The following PRIM2 variants were observed in gnomAD, a reference collection of about 807,000 sequenced individuals.
The protein encoded by PRIM2 is DNA primase subunit 2, also known as DNA primase large subunit.
A neutral mutation model predicts 67.3 loss-of-function variants in PRIM2; 39 were observed. The ratio of observed to expected loss-of-function variants is 0.58; its 90% CI spans 0.45 to 0.76. The LOEUF is 0.76. PRIM2 is among the 30% of genes least tolerant of loss of function. PRIM2 has a pLI of 0.00. For synonymous variants in PRIM2, 143 were observed against 198.7 expected (o/e 0.72, Z 2.36); for missense variants, 398 against 598.7 (o/e 0.66, Z 3.50).
chr6:57,468,376 A>G (rs1393265943), intron 7 of PRIM2, among the ~76,000 whole-genome samples: 6 of 152,168 alleles, frequency 3.9e-5, no homozygotes, highest in Non-Finnish European at 8.8e-5. Flanking sequence ...TTCTGCATCT[A>G]TTGAGATAAC....
intron 7 of PRIM2, among the ~76,000 whole-genome samples, chr6:57,501,949 T>C (rs1351840927): frequency 5.3e-5 from 8 of 152,206 alleles, no homozygotes; most frequent in African/African-American, 1.7e-4. Flanking sequence ...CTTTGTGTGT[T>C]TGAAATTTTT....
chr6:57,337,503 A>G (rs1437214599), intron 5 of PRIM2, among the ~76,000 whole-genome samples: 1 of 151,954 alleles, frequency 6.6e-6, no homozygotes, highest in East Asian at 1.9e-4. Flanking sequence ...AAATTATAAC[A>G]AACTATCTCT....
chr6:57,341,519 G>T (rs1768489958), intron 5 of PRIM2, among the ~76,000 whole-genome samples: 2 of 152,184 alleles, frequency 1.3e-5, no homozygotes, highest in African/African-American at 4.8e-5. Flanking sequence ...TGGTAATTAA[G>T]GCACTTGAAT....
intron 10 of PRIM2, among the ~76,000 whole-genome samples, chr6:57,586,632 T>G (rs1166805024): frequency 0.39 from 58,976 of 151,852 alleles, 11,712 homozygotes; most frequent in East Asian, 0.65. Flanking sequence ...AGGGAAGGTA[T>G]AGCAAAATAG....
intron 7 of PRIM2, among the ~76,000 whole-genome samples, chr6:57,438,129 C>A (rs1772074260): frequency 6.6e-6 from 1 of 152,112 alleles, no homozygotes; most frequent in African/African-American, 2.4e-5. Context: ...TTAAAAGAAT[C>A]AACTAAAAAT....
At chr6:57,586,503 A>T (rs1776189553) in intron 10 of PRIM2, among the ~76,000 whole-genome samples, 1 of 152,194 alleles carries the variant, frequency 6.6e-6, no homozygotes, top group Admixed American at 6.6e-5. Flanking sequence ...CCCAGAAAAC[A>T]ATTGATGGTA....
chr6:57,338,421 A>T (rs1402725897), intron 5 of PRIM2, among the ~76,000 whole-genome samples: 3 of 151,868 alleles, frequency 2.0e-5, no homozygotes, highest in Non-Finnish European at 4.4e-5. Flanking sequence ...AGAATTTGAG[A>T]CCAATATCCT....
rs1554346424 is a variant in PRIM2, at chr6:57,496,884, GAC to G, written c.694-10499_694-10498del. ...CTGAACAGTGGTAGTCACATGAAAT[GAC>G]ACAGTGAAAAGATCCAGAATTGTCT... On this transcript the variant is annotated intron_variant, in intron 7 of 13. Coordinates refer to ENST00000615550, the MANE Select transcript of PRIM2 (RefSeq NM_000947.5). Among the ~76,000 whole-genome samples the G allele has an allele frequency of 8.5e-3, 1,287 of 152,256 alleles. 8 individuals carry two copies. Among genetic ancestry groups the G allele is most frequent in the Middle Eastern group, 0.054 (16 of 294 alleles).
intron 7 of PRIM2, among the ~76,000 whole-genome samples, chr6:57,476,399 C>A (rs1773478485): frequency 1.3e-5 from 2 of 152,120 alleles, no homozygotes; most frequent in Non-Finnish European, 2.9e-5. Context: ...CTTTTGCAGA[C>A]CCTGATAAGC....
At chr6:57,249,744 CA>C in the PRIM2 span, among the ~76,000 whole-genome samples, 1 of 152,008 alleles carries the variant, frequency 6.6e-6, no homozygotes, top group African/African-American at 2.4e-5. Context: ...CTGCGTCTCA[CA>C]AACAAACAAA....
intron 7 of PRIM2, among the ~76,000 whole-genome samples, chr6:57,399,327 G>C (rs142869390): frequency 0.024 from 3,704 of 152,280 alleles, 53 homozygotes; most frequent in Middle Eastern, 0.037. Context: ...TGCTCAGAAT[G>C]ATGGTTTCTA....
chr6:57,469,162 T>G (rs1157149007), intron 7 of PRIM2, among the ~76,000 whole-genome samples: 6 of 152,244 alleles, frequency 3.9e-5, no homozygotes, highest in Non-Finnish European at 8.8e-5. Context: ...AAAGCCTGTT[T>G]AACTCACTTC....
chr6:57,601,480 C>T (rs1240861195), intron 11 of PRIM2, among the ~76,000 whole-genome samples: 13 of 152,206 alleles, frequency 8.5e-5, no homozygotes, highest in Non-Finnish European at 1.5e-4. Context: ...TCTTCCTTCC[C>T]GCTGTTCTCT....
intron 7 of PRIM2, among the ~76,000 whole-genome samples, chr6:57,426,113 ATAGATT>A (rs1485245650): frequency 5.3e-5 from 8 of 152,216 alleles, no homozygotes; most frequent in Non-Finnish European, 1.0e-4. Flanking sequence ...AATAATCTGC[ATAGATT>A]TTAAATACAC....
chr6:57,229,740 T>C, the PRIM2 span, among the ~76,000 whole-genome samples: 1 of 152,216 alleles, frequency 6.6e-6, no homozygotes, highest in East Asian at 1.9e-4. Context: ...TCCGTGCACC[T>C]TGGCCTCCCA....
Position 57,459,715 on chromosome 6 carries a change from T to A in PRIM2, c.694-47672T>A, listed in dbSNP as rs1158133244. 3.3e-5 allele frequency among the ~76,000 whole-genome samples: 5 copies of A among 152,308 alleles called. No homozygotes were observed. In the East Asian group the frequency reaches 9.6e-4, roughly 29 times the overall value. On this transcript the variant is annotated intron_variant, in intron 7 of 13. Transcript: ENST00000615550. ...TATTACAATATTGAGGCAGAATTCC[T>A]TCTTCAAAAACATGTTTTTGCTTTT...
chr6:57,321,223 A>G (rs1767644432), intron 3 of PRIM2, among the ~76,000 whole-genome samples: 1 of 152,198 alleles, frequency 6.6e-6, no homozygotes, highest in Non-Finnish European at 1.5e-5. Flanking sequence ...GAGAAGAGTT[A>G]TAAATGACAC....
rs1377448529 is a variant in PRIM2, at chr6:57,646,711, A to C, written c.*553A>C. 1 of 152,264 alleles carries C rather than the reference A, an allele frequency of 6.6e-6. No individual in the cohort carries two copies. Among genetic ancestry groups the C allele is most frequent in the African/African-American group, 2.4e-5 (1 of 41,456 alleles). The allele number at this position is 152,264 out of a possible 1,614,324, so 9.4% of individuals were successfully genotyped here. The stretch of plus-strand genomic sequence containing the variant: ...GATGTCATTTAAGTCCTATTTTAGG[A>C]GATAAAAACAGCTTTGGGGACTGGT... On this transcript the variant is annotated 3_prime_UTR_variant, in exon 14 of 14. Coordinates refer to ENST00000615550, the MANE Select transcript of PRIM2 (RefSeq NM_000947.5).
chr6:57,367,783 C>G (rs1769411901), intron 5 of PRIM2, among the ~76,000 whole-genome samples: 1 of 152,210 alleles, frequency 6.6e-6, no homozygotes, highest in Non-Finnish European at 1.5e-5. Flanking sequence ...GGTTGGACTT[C>G]TTACTTCATG....
Sources: allele counts gnomAD v4.1 joint callset (sites outside exome capture counted in the v4.1 genomes callset), GRCh38; gene constraint gnomAD v4.1.1; transcripts MANE v1.5; gene names NCBI Gene and HGNC (gene_info 2026-07-23, HGNC 2026-07-21).